The following GRK5 variants were observed in gnomAD, a reference collection of about 807,000 sequenced individuals.
GRK5 encodes the protein g protein-coupled receptor kinase GRK5.
Under a neutral mutation model 78.4 loss-of-function variants are expected in GRK5, and 40 were observed. The ratio of observed to expected loss-of-function variants is 0.51; its 90% CI spans 0.40 to 0.66. GRK5 has a LOEUF of 0.66. Among genes scored for constraint, GRK5 ranks in the 30% least tolerant of loss-of-function variants. GRK5 has a pLI of 0.00. For synonymous variants in GRK5, 289 were observed against 296.8 expected, an observed-to-expected ratio of 0.97 and a Z score of 0.27; for missense variants, 598 against 759.9, an observed-to-expected ratio of 0.79 and a Z score of 2.50.
intron 1 of GRK5, among the ~76,000 whole-genome samples, chr10:119,250,576 T>C (rs1349997598): frequency 6.8e-6 from 1 of 147,602 alleles, no homozygotes; most frequent in Non-Finnish European, 1.5e-5. Context: ...CTTGAACTCC[T>C]GGACTCAAAT....
intron 1 of GRK5, among the ~76,000 whole-genome samples, chr10:119,290,125 T>C (rs973042237): frequency 6.6e-5 from 10 of 152,044 alleles, no homozygotes; most frequent in African/African-American, 2.4e-4. Flanking sequence ...GGCGGGTGGA[T>C]TGCCTGAGCT....
chr10:119,425,111 T>G (rs765137206), intron 6 of GRK5, 26 bp downstream of exon 6: 9 of 1,479,570 alleles, frequency 6.1e-6, no homozygotes, highest in Non-Finnish European at 8.5e-6. Flanking sequence ...CCCATACAGA[T>G]CAGGGAGGCA....
At chr10:119,220,177 A>T (rs923659725) in intron 1 of GRK5, among the ~76,000 whole-genome samples, 1 of 152,168 alleles carries the variant, frequency 6.6e-6, no homozygotes, top group African/African-American at 2.4e-5. Flanking sequence ...GGCTTTATGG[A>T]TGGTGCCAAG....
chr10:119,235,672 G>GT (rs914019787), intron 1 of GRK5, among the ~76,000 whole-genome samples: 7 of 151,366 alleles, frequency 4.6e-5, no homozygotes, highest in East Asian at 3.9e-4. Context: ...ATTTCTGACA[G>GT]TTTTTTTTTC....
rs534221547 is a variant in GRK5, at chr10:119,267,170, G to A, written c.52+59201G>A. ...AGGAAGGAGAATTGCTTGAACCTGCGAGGCGGAGGTTGCAGCGAGCCGAGA... is the reference window on the plus strand; with the variant it reads ...AGGAAGGAGAATTGCTTGAACCTGCAAGGCGGAGGTTGCAGCGAGCCGAGA... On this transcript the variant is annotated intron_variant, in intron 1 of 15. Coordinates refer to ENST00000392870, the MANE Select transcript of GRK5 (RefSeq NM_005308.3). The surrounding 1 kb of genome is among the most constrained non-coding windows in gnomAD (Gnocchi z 4.1). Among the ~76,000 whole-genome samples, 3 of 151,378 alleles carry A rather than the reference G, an allele frequency of 2.0e-5. No homozygotes were observed. The highest frequency in any genetic ancestry group is 4.4e-5 in the Non-Finnish European group (3 of 67,842).
chr10:119,342,757 G>A (rs1027708993), intron 2 of GRK5, among the ~76,000 whole-genome samples: 9 of 152,150 alleles, frequency 5.9e-5, no homozygotes, highest in African/African-American at 2.2e-4. Flanking sequence ...GGTGGGGAGC[G>A]GCTTTCAGAA....
chr10:119,262,686 C>G (rs2133658536), intron 1 of GRK5, among the ~76,000 whole-genome samples: 1 of 152,028 alleles, frequency 6.6e-6, no homozygotes, highest in East Asian at 1.9e-4. Context: ...AGGAAATGAC[C>G]AAGAGATGCC....
At chr10:119,209,486 GGTTTTTTTTTTT>G (rs1288580126) in intron 1 of GRK5, among the ~76,000 whole-genome samples, 10 of 88,842 alleles carry the variant, frequency 1.1e-4, no homozygotes, top group East Asian at 6.7e-4. Context: ...GTGTGTGTGT[GGTTTTTTTTTTT>G]TTTTTTTTTT....
intron 1 of GRK5, among the ~76,000 whole-genome samples, chr10:119,286,702 G>A (rs61874487): frequency 0.069 from 10,498 of 152,338 alleles, 404 homozygotes; most frequent in Middle Eastern, 0.11. Flanking sequence ...GTTGCAGCCC[G>A]CCATGCAGGC....
chr10:119,392,774 C>G (rs1433666462), intron 3 of GRK5, among the ~76,000 whole-genome samples: 1 of 152,168 alleles, frequency 6.6e-6, no homozygotes, highest in Non-Finnish European at 1.5e-5. Flanking sequence ...CCATCTCTCT[C>G]TCTCTGGTTG....
At chr10:119,269,441 T>C (rs1849551655) in intron 1 of GRK5, among the ~76,000 whole-genome samples, 1 of 152,138 alleles carries the variant, frequency 6.6e-6, no homozygotes, top group African/African-American at 2.4e-5. Flanking sequence ...GTTAGCCCTG[T>C]AATGGGCTCA....
At chr10:119,305,791 C>A (rs1850264117) in intron 1 of GRK5, among the ~76,000 whole-genome samples, 1 of 151,654 alleles carries the variant, frequency 6.6e-6, no homozygotes, top group South Asian at 2.1e-4. Flanking sequence ...TTTGACAAAA[C>A]CTGTGGGTAT....
chr10:119,427,218 T>G (rs1227524670), intron 6 of GRK5, among the ~76,000 whole-genome samples: 4 of 112,340 alleles, frequency 3.6e-5, no homozygotes, highest in Non-Finnish European at 5.7e-5. Flanking sequence ...ACAGCATCAC[T>G]GCCTTCATCA....
intron 1 of GRK5, among the ~76,000 whole-genome samples, chr10:119,251,549 G>T (rs944776459): frequency 1.5e-4 from 23 of 152,216 alleles, no homozygotes; most frequent in Non-Finnish European, 3.1e-4. Context: ...CATTCTGACA[G>T]GCTGCGAACA....
chr10:119,391,441 T>A (rs1207675340), intron 3 of GRK5, among the ~76,000 whole-genome samples: 4 of 152,104 alleles, frequency 2.6e-5, no homozygotes, highest in Non-Finnish European at 5.9e-5. Flanking sequence ...GCCGGCCCCA[T>A]GTGTGAATGG....
chr10:119,314,148 C>T (rs1295174137), intron 1 of GRK5, among the ~76,000 whole-genome samples: 1 of 152,224 alleles, frequency 6.6e-6, no homozygotes, highest in Non-Finnish European at 1.5e-5. Context: ...TGCCCCGGTT[C>T]GCATCTACCC....
At chr10:119,292,358 C>A (rs908718102) in intron 1 of GRK5, among the ~76,000 whole-genome samples, 1 of 151,950 alleles carries the variant, frequency 6.6e-6, no homozygotes, top group African/African-American at 2.4e-5. Flanking sequence ...CTTCCTCTTC[C>A]TTCACAAACA....
At chr10:119,345,576 A>G (rs1851076761) in intron 2 of GRK5, among the ~76,000 whole-genome samples, 1 of 151,896 alleles carries the variant, frequency 6.6e-6, no homozygotes, top group African/African-American at 2.4e-5. Flanking sequence ...CTTCCCATTT[A>G]TTATGACTTT....
At chr10:119,231,558 T>A (rs1848828908) in intron 1 of GRK5, among the ~76,000 whole-genome samples, 1 of 151,066 alleles carries the variant, frequency 6.6e-6, no homozygotes, top group Non-Finnish European at 1.5e-5. Context: ...ATAAAAAAAA[T>A]TAGCTGGGCG....
Sources: gnomAD v4.1 joint callset for allele counts (sites outside exome capture counted in the v4.1 genomes callset) on GRCh38, gnomAD v4.1.1 for gene constraint, Gnocchi (gnomAD v3.1) non-coding constraint, MANE v1.5 for transcripts, NCBI Gene and HGNC (gene_info 2026-07-23, HGNC 2026-07-21) for gene names.